The following GALNTL6 variants were observed in gnomAD, a reference collection of about 807,000 sequenced individuals.
GALNTL6 encodes the protein polypeptide N-acetylgalactosaminyltransferase like 6.
Under a neutral mutation model 73.7 loss-of-function variants are expected in GALNTL6, and 46 were observed. The ratio of observed to expected loss-of-function variants is 0.62; its 90% CI spans 0.49 to 0.80. The LOEUF is 0.80. Among genes scored for constraint, GALNTL6 ranks in the 30% least tolerant of loss-of-function variants. The pLI is 0.00. For missense variants in GALNTL6, 604 were observed against 755.0 expected (o/e 0.80, Z 2.34); for synonymous variants, 259 against 263.7 (o/e 0.98, Z 0.17).
chr4:171,964,885 G>A (rs1401229053), intron 2 of GALNTL6, among the ~76,000 whole-genome samples: 2 of 152,350 alleles, frequency 1.3e-5, no homozygotes, highest in Admixed American at 6.5e-5. Context: ...CCACTGAAGG[G>A]ACACTAAGGC....
intron 12 of GALNTL6, among the ~76,000 whole-genome samples, chr4:173,038,478 G>C (rs1443619799): frequency 6.6e-6 from 1 of 152,160 alleles, no homozygotes; most frequent in Non-Finnish European, 1.5e-5. Flanking sequence ...TCTTTCCCTG[G>C]GGTCAGACAC....
rs114104085 is a variant in GALNTL6 at position 171,971,347 on chromosome 4, T to C, written c.138+156629T>C. Among the ~76,000 whole-genome samples, 836 of 152,296 alleles carry C rather than the reference T, an allele frequency of 5.5e-3. 5 individuals are homozygous for C. The highest frequency in any genetic ancestry group is 0.044 in the Middle Eastern group (13 of 294). The stretch of plus-strand genomic sequence containing the variant: ...CTTGACTTCGCTACGGACTACAAGG[T>C]TCCAAAGACTTGGAGAAGACAGTCC... On this transcript the variant is annotated intron_variant, in intron 2 of 12. Transcript: ENST00000506823.
rs74803547 is a variant in GALNTL6 at position 172,841,654 on chromosome 4, C to T, written c.923+27931C>T. On this transcript the variant is annotated intron_variant, in intron 7 of 12. Transcript: ENST00000506823. ...TGGAGAGAGAGAGTGTGTGAGTGCA[C>T]AGGAAAAACTACCATTTATAAAACC... 5.7e-3 allele frequency among the ~76,000 whole-genome samples: 864 copies of T among 152,166 alleles called. 9 individuals carry two copies. The highest frequency in any genetic ancestry group is 0.02 in the African/African-American group (835 of 41,500).
chr4:172,748,786 A>G (rs926721711), intron 5 of GALNTL6, among the ~76,000 whole-genome samples: 2 of 152,236 alleles, frequency 1.3e-5, no homozygotes, highest in Non-Finnish European at 1.5e-5. Flanking sequence ...AAGAAATGGT[A>G]GATATTCGAA....
intron 2 of GALNTL6, among the ~76,000 whole-genome samples, chr4:171,854,626 A>G (rs1735633392): frequency 6.6e-6 from 1 of 152,186 alleles, no homozygotes; most frequent in African/African-American, 2.4e-5. Context: ...AAACAACTGA[A>G]GTTTATTTTC....
intron 9 of GALNTL6, among the ~76,000 whole-genome samples, chr4:172,945,142 A>C (rs1432883529): frequency 1.3e-5 from 2 of 152,106 alleles, no homozygotes; most frequent in Non-Finnish European, 2.9e-5. Flanking sequence ...CAAAATACTT[A>C]TACTAAGTGA....
chr4:172,410,355 A>T (rs1744387097), intron 5 of GALNTL6, among the ~76,000 whole-genome samples: 1 of 152,132 alleles, frequency 6.6e-6, no homozygotes, highest in East Asian at 1.9e-4. Flanking sequence ...CTATTATATA[A>T]TTTTTTAATT....
intron 2 of GALNTL6, among the ~76,000 whole-genome samples, chr4:172,103,949 C>CCT (rs1732599007): frequency 7.1e-6 from 1 of 141,492 alleles, no homozygotes; most frequent in African/African-American, 2.7e-5. Flanking sequence ...TTCTTTTTCT[C>CCT]TTTTTTTTTT....
chr4:172,503,781 A>C (rs987083740), intron 5 of GALNTL6, among the ~76,000 whole-genome samples: 4 of 152,086 alleles, frequency 2.6e-5, no homozygotes, highest in African/African-American at 9.7e-5. Context: ...AGATTAAATT[A>C]AGTGCGAGAG....
At chr4:172,778,102 G>T (rs968431498) in intron 5 of GALNTL6, among the ~76,000 whole-genome samples, 2 of 152,228 alleles carry the variant, frequency 1.3e-5, no homozygotes, top group Non-Finnish European at 2.9e-5. Flanking sequence ...CATATAAATT[G>T]TTTCCAACAG....
intron 4 of GALNTL6, among the ~76,000 whole-genome samples, chr4:172,319,843 G>T (rs1740693465): frequency 6.6e-6 from 1 of 152,094 alleles, no homozygotes; most frequent in African/African-American, 2.4e-5. Flanking sequence ...GGTCCTAAAG[G>T]CAAATAGAAA....
At chr4:172,311,802 G>A (rs764015654) in intron 4 of GALNTL6, 50 bp downstream of exon 4, 39 of 1,312,318 alleles carry the variant, frequency 3.0e-5, no homozygotes, top group Non-Finnish European at 3.8e-5. Flanking sequence ...GGTTTTTTTT[G>A]TCCTTTGATT....
At chr4:171,823,018 A>G (rs1734726297) in intron 2 of GALNTL6, among the ~76,000 whole-genome samples, 1 of 152,210 alleles carries the variant, frequency 6.6e-6, no homozygotes. Context: ...GCACAAAGAC[A>G]GAATTTGAGT....
chr4:172,118,970 CTT>C (rs34157567), intron 2 of GALNTL6, among the ~76,000 whole-genome samples: 1 of 144,854 alleles, frequency 6.9e-6, no homozygotes, highest in African/African-American at 2.5e-5. Flanking sequence ...TAGATAAAGC[CTT>C]TTTTTTTTGC....
rs1380559868 is a variant in GALNTL6 at position 172,084,956 on chromosome 4, A to T, written c.139-144700A>T. ...AGCAATTTGAAAATCAGTCATTTAA[A>T]TTTCAACAAGATATCAGGGAGAACT... is the stretch of plus-strand genomic sequence containing the variant. On this transcript the variant is annotated intron_variant, in intron 2 of 12. Coordinates refer to ENST00000506823, the MANE Select transcript of GALNTL6 (RefSeq NM_001034845.3). Among the ~76,000 whole-genome samples, 5 of 152,320 alleles carry T rather than the reference A, an allele frequency of 3.3e-5. No homozygotes were observed. The East Asian group carries it at 9.7e-4, about 29-fold the overall frequency.
chr4:172,343,893 A>AAGAATT (rs1246652211), intron 4 of GALNTL6, among the ~76,000 whole-genome samples: 4 of 152,098 alleles, frequency 2.6e-5, no homozygotes, highest in African/African-American at 7.2e-5. Flanking sequence ...TTAAAATTTG[A>AAGAATT]AGAATTAGTT....
At position 172,764,116 on chromosome 4, in the gene GALNTL6, G is replaced by A. The variant is rs551632008; in HGVS notation, c.554-45245G>A. Among the ~76,000 whole-genome samples the A allele has an allele frequency of 1.1e-4, 17 of 152,152 alleles. No individual in the cohort carries two copies. In the East Asian group the frequency reaches 2.1e-3, roughly 19 times the overall value. The stretch of plus-strand genomic sequence containing the variant: ...TGGGATTACAGGCATGCGCCACTGC[G>A]CCCAGCTAATTTTGTATTTTTAGTA... On this transcript the variant is annotated intron_variant, in intron 5 of 12. Transcript: ENST00000506823.
At chr4:171,985,895 G>A (rs997454111) in intron 2 of GALNTL6, among the ~76,000 whole-genome samples, 6 of 151,744 alleles carry the variant, frequency 4.0e-5, no homozygotes, top group East Asian at 1.9e-4. Context: ...AAAATTAGCC[G>A]GGCGTGGTAG....
chr4:172,557,156 G>C (rs1372100714), intron 5 of GALNTL6, among the ~76,000 whole-genome samples: 1 of 152,130 alleles, frequency 6.6e-6, no homozygotes, highest in Non-Finnish European at 1.5e-5. Flanking sequence ...CTTAGGAGTT[G>C]TAAGGAAAAA....
Sources: allele counts gnomAD v4.1 joint callset (sites outside exome capture counted in the v4.1 genomes callset), GRCh38; gene constraint gnomAD v4.1.1; transcripts MANE v1.5; gene names NCBI Gene and HGNC (gene_info 2026-07-23, HGNC 2026-07-21).